Variants in SLC14A2 observed in about 807,000 individuals in gnomAD.
SLC14A2 encodes the protein urea transporter 2.
Under a neutral mutation model 104.6 loss-of-function variants are expected in SLC14A2, and 91 were observed. The observed-to-expected ratio is 0.87, with a 90% confidence interval of 0.73 to 1.04. SLC14A2 has a LOEUF of 1.04. Ranked by LOEUF, SLC14A2 falls within the 50% of genes least tolerant of loss-of-function variation. The pLI is 0.00. For missense variants in SLC14A2, 1,189 were observed against 1,156.0 expected, an observed-to-expected ratio of 1.03 and a Z score of -0.41; for synonymous variants, 476 against 466.4, an observed-to-expected ratio of 1.02 and a Z score of -0.27.
rs186662707 is a variant in SLC14A2 at position 45,314,266 on chromosome 18, C to T, written c.-125+101075C>T. Among the ~76,000 whole-genome samples, 97 of 152,228 alleles carry T rather than the reference C, an allele frequency of 6.4e-4. 1 individual carries two copies. Among genetic ancestry groups the T allele is most frequent in the Non-Finnish European group, 1.3e-3 (85 of 68,000 alleles). On this transcript the variant is annotated intron_variant, in intron 1 of 20. Coordinates refer to the SLC14A2 transcript ENST00000586448. ...TAAAGCATAGGGTAGAGCAACCTTG[C>T]CCGTGTCCAAGATACACCACTGCAT...
intron 2 of SLC14A2, among the ~76,000 whole-genome samples, chr18:45,608,390 C>A (rs1431432637): frequency 6.6e-6 from 1 of 152,204 alleles, no homozygotes; most frequent in African/African-American, 2.4e-5. Context: ...CAAGGCAGTT[C>A]TCACCATCCC....
intron 1 of SLC14A2, among the ~76,000 whole-genome samples, chr18:45,316,926 T>C (rs2085135203): frequency 6.6e-6 from 1 of 152,192 alleles, no homozygotes; most frequent in Admixed American, 6.5e-5. Context: ...GTTCACTCCA[T>C]AGGCCCTGCA....
rs760140781 is a variant in SLC14A2 at position 45,667,901 on chromosome 18, A to G, written c.1786A>G (p.Asn596Asp). The change falls in exon 14 of 20, where the codon AAC (asparagine) becomes GAC (aspartate). Residue 596 changes from asparagine to aspartate, a missense_variant. Transcript: ENST00000255226. Reference protein sequence around the residue: ...RGTSQVMFVNNPLSGILIILG... With the variant: ...RGTSQVMFVNDPLSGILIILG... ...CACATCTCAAGTGATGTTTGTGAAC[A>G]ACCCCCTCAGCGGCATCCTCATCAT... 1.2e-6 allele frequency: 2 copies of G among 1,614,130 alleles called. 1 individual carries two copies. The highest frequency in any genetic ancestry group is 2.2e-5 in the South Asian group (2 of 91,076).
At chr18:45,598,136 G>A (rs1056586367) in intron 2 of SLC14A2, among the ~76,000 whole-genome samples, 6 of 152,118 alleles carry the variant, frequency 3.9e-5, no homozygotes, top group Non-Finnish European at 7.4e-5. Flanking sequence ...GTAGAGACCC[G>A]AGGCCCAATA....
Position 45,644,083 on chromosome 18 carries a change from G to A in SLC14A2, c.1274G>A (p.Ser425Asn). 6.2e-7 allele frequency: 1 copy of A among 1,614,160 alleles called. No homozygotes were observed. Among genetic ancestry groups the A allele is most frequent in the Non-Finnish European group, 8.5e-7 (1 of 1,180,022 alleles). ...CCAGCCATCTTCAGACTCCCACTCA[G>A]CAAAGTCACCTACCCCGAGGCCAAC... ...NNPAIFRLPLSKVTYPEANRI... is the reference protein window; with the variant it reads ...NNPAIFRLPLNKVTYPEANRI... The change falls in exon 10 of 20, where the codon AGC becomes AAC. Residue 425 changes from serine (S) to asparagine (N), a missense_variant. Physicochemically the swap from Ser to Asn is conservative, Grantham distance 46. Transcript: ENST00000255226.
intron 1 of SLC14A2, among the ~76,000 whole-genome samples, chr18:45,339,727 G>T (rs750254210): frequency 2.6e-5 from 4 of 152,200 alleles, no homozygotes; most frequent in African/African-American, 4.8e-5. Flanking sequence ...AGGTTGTGTG[G>T]GCAGGTTTTT....
chr18:45,521,348 G>C (rs1457776301), intron 2 of SLC14A2, among the ~76,000 whole-genome samples: 1 of 152,286 alleles, frequency 6.6e-6, no homozygotes, highest in Middle Eastern at 3.4e-3. Flanking sequence ...GGACTACTGG[G>C]AATGCAGAAT....
intron 8 of SLC14A2, 107 bp downstream of exon 8, chr18:45,641,450 G>C (rs541020462): frequency 7.6e-7 from 1 of 1,323,356 alleles, no homozygotes; most frequent in East Asian, 2.3e-5. Flanking sequence ...AGCAGTGACA[G>C]AAAGGCCAAT....
chr18:45,248,728 G>A (rs1372223153), intron 1 of SLC14A2, among the ~76,000 whole-genome samples: 3 of 152,184 alleles, frequency 2.0e-5, no homozygotes, highest in Non-Finnish European at 4.4e-5. Context: ...GTGACTGGAA[G>A]TGACTTGGAT....
intron 6 of SLC14A2, 52 bp from the exon 7 acceptor site, chr18:45,639,694 T>C: frequency 1.6e-5 from 25 of 1,591,988 alleles, no homozygotes; most frequent in Non-Finnish European, 2.1e-5. Flanking sequence ...CTGAGTCTGG[T>C]TTTTGCATTA....
At chr18:45,677,714 G>A (rs921722780) in intron 18 of SLC14A2, among the ~76,000 whole-genome samples, 2 of 152,148 alleles carry the variant, frequency 1.3e-5, no homozygotes, top group Non-Finnish European at 2.9e-5. Context: ...GCTCCTATTC[G>A]CTCTCAGAGA....
chr18:45,496,774 A>G (rs1016485168), intron 2 of SLC14A2, among the ~76,000 whole-genome samples: 9 of 150,464 alleles, frequency 6.0e-5, no homozygotes, highest in African/African-American at 2.2e-4. Context: ...CAAGAGCAAG[A>G]CTCCGTCTCA....
rs964672202 is a variant in SLC14A2, at chr18:45,619,524, T to G, written c.-35+3942T>G. On this transcript the variant is annotated intron_variant, in intron 1 of 19. Coordinates refer to ENST00000255226, the MANE Select transcript of SLC14A2 (RefSeq NM_007163.4). ...TGCCAGACATTTGAGGCCTGGTTTT[T>G]GGAGAGACGTGGGACTGATCCAAAC... Among the ~76,000 whole-genome samples, 4 of 152,224 alleles carry G rather than the reference T, an allele frequency of 2.6e-5. No individual in the cohort carries two copies. The South Asian group carries it at 8.3e-4, about 31-fold the overall frequency.
At chr18:45,296,634 A>T (rs1193198717) in intron 1 of SLC14A2, among the ~76,000 whole-genome samples, 1 of 152,154 alleles carries the variant, frequency 6.6e-6, no homozygotes, top group Non-Finnish European at 1.5e-5. Context: ...AATTATAAGT[A>T]ACTGTATTCC....
At chr18:45,415,156 G>A (rs1293496747) in intron 1 of SLC14A2, among the ~76,000 whole-genome samples, 3 of 152,046 alleles carry the variant, frequency 2.0e-5, no homozygotes, top group Non-Finnish European at 2.9e-5. Context: ...TTCTTGGTCA[G>A]GATATTCTTG....
At chr18:45,417,621 C>G (rs1269889436) in intron 1 of SLC14A2, among the ~76,000 whole-genome samples, 2 of 152,136 alleles carry the variant, frequency 1.3e-5, no homozygotes, top group Non-Finnish European at 2.9e-5. Flanking sequence ...CAATTACCTC[C>G]CACCAGGTCC....
intron 1 of SLC14A2, among the ~76,000 whole-genome samples, chr18:45,445,201 T>G (rs918889794): frequency 1.4e-5 from 2 of 143,226 alleles, no homozygotes; most frequent in Non-Finnish European, 3.0e-5. Flanking sequence ...AACCTCCGCC[T>G]CCCAGGTTCA....
chr18:45,671,942 G>C (rs1250861589), intron 16 of SLC14A2, among the ~76,000 whole-genome samples: 1 of 152,188 alleles, frequency 6.6e-6, no homozygotes, highest in Non-Finnish European at 1.5e-5. Context: ...GGACCTTTGT[G>C]CAGGTGCCCA....
intron 1 of SLC14A2, among the ~76,000 whole-genome samples, chr18:45,264,827 C>A (rs1217475642): frequency 6.6e-6 from 1 of 152,118 alleles, no homozygotes; most frequent in African/African-American, 2.4e-5. Context: ...GAGTACACAG[C>A]CAAACCATTT....
Sources: gnomAD v4.1 joint callset for allele counts (sites outside exome capture counted in the v4.1 genomes callset) on GRCh38, gnomAD v4.1.1 for gene constraint, MANE v1.5 for transcripts, NCBI Gene and HGNC (gene_info 2026-07-23, HGNC 2026-07-21) for gene names.